Variants in COP1 observed in about 807,000 individuals in gnomAD.
The protein encoded by COP1 is E3 ubiquitin-protein ligase COP1.
In COP1, 24 loss-of-function variants were observed where a neutral mutation model predicts 101.3. The ratio of observed to expected loss-of-function variants is 0.24; its 90% CI spans 0.17 to 0.33. COP1 has a LOEUF of 0.33. Ranked by LOEUF, COP1 falls within the 10% of genes least tolerant of loss-of-function variation. COP1 has a pLI of 1.00. For missense variants in COP1, 663 were observed against 906.2 expected (o/e 0.73, Z 3.45); for synonymous variants, 347 against 341.9 (o/e 1.01, Z -0.17).
At chr1:176,149,853 GAGAC>G (rs1171855700) in intron 5 of COP1, among the ~76,000 whole-genome samples, 1 of 151,832 alleles carries the variant, frequency 6.6e-6, no homozygotes, top group Non-Finnish European at 1.5e-5. Flanking sequence ...ATAACAATAA[GAGAC>G]AGTTTATGAA....
At chr1:176,122,946 A>G (rs1455290436) in intron 8 of COP1, among the ~76,000 whole-genome samples, 1 of 152,196 alleles carries the variant, frequency 6.6e-6, no homozygotes, top group African/African-American at 2.4e-5. Context: ...AAATAGACAA[A>G]AATAAGCTCA....
intron 11 of COP1, among the ~76,000 whole-genome samples, chr1:176,078,722 G>A (rs1439961268): frequency 6.6e-6 from 1 of 151,878 alleles, no homozygotes; most frequent in East Asian, 1.9e-4. Flanking sequence ...TAGGGAATGG[G>A]TGAAAGTATT....
intron 15 of COP1, among the ~76,000 whole-genome samples, chr1:175,992,328 C>T (rs1461733690): frequency 3.9e-5 from 6 of 152,174 alleles, no homozygotes; most frequent in African/African-American, 7.2e-5. Flanking sequence ...ACGCAGAAGA[C>T]GGGTGATTTT....
intron 6 of COP1, among the ~76,000 whole-genome samples, chr1:176,141,906 T>A (rs1690751767): frequency 1.3e-5 from 2 of 151,940 alleles, no homozygotes; most frequent in Non-Finnish European, 2.9e-5. Flanking sequence ...AATTTTTTTT[T>A]AATTGTTTGT....
At chr1:176,194,831 T>C (rs1699484434) in intron 1 of COP1, among the ~76,000 whole-genome samples, 1 of 151,786 alleles carries the variant, frequency 6.6e-6, no homozygotes, top group Non-Finnish European at 1.5e-5. Context: ...ATTCCAGCAC[T>C]ATGGGAGCCC....
intron 9 of COP1, among the ~76,000 whole-genome samples, chr1:176,110,798 T>G (rs1188260052): frequency 6.6e-6 from 1 of 152,224 alleles, no homozygotes; most frequent in African/African-American, 2.4e-5. Flanking sequence ...ACTAGCTATA[T>G]TATCTGAGTC....
intron 14 of COP1, among the ~76,000 whole-genome samples, chr1:176,030,576 C>T (rs1225886610): frequency 1.3e-5 from 2 of 152,072 alleles, no homozygotes; most frequent in East Asian, 1.9e-4. Context: ...ATGCAGTAAT[C>T]ATTAATATTA....
chr1:176,042,704 C>T (rs1290361420), intron 14 of COP1, among the ~76,000 whole-genome samples: 1 of 145,546 alleles, frequency 6.9e-6, no homozygotes, highest in African/African-American at 2.6e-5. Flanking sequence ...GCACTCCAGC[C>T]TGGGCGACAC....
intron 1 of COP1, among the ~76,000 whole-genome samples, chr1:176,198,760 G>T (rs776291727): frequency 6.6e-6 from 1 of 151,966 alleles, no homozygotes; most frequent in Non-Finnish European, 1.5e-5. Flanking sequence ...CACTTACAAC[G>T]CAAGATGACA....
chr1:176,187,892 C>T (rs1468967379), intron 1 of COP1, among the ~76,000 whole-genome samples: 4 of 152,032 alleles, frequency 2.6e-5, no homozygotes, highest in Non-Finnish European at 5.9e-5. Flanking sequence ...GAAATCTTAA[C>T]CCCCAAGGTG....
At chr1:176,067,977 G>A (rs528280041) in intron 11 of COP1, among the ~76,000 whole-genome samples, 5 of 152,226 alleles carry the variant, frequency 3.3e-5, no homozygotes, top group African/African-American at 9.6e-5. Flanking sequence ...CACCCCCATC[G>A]CACACCCTGC....
intron 8 of COP1, among the ~76,000 whole-genome samples, chr1:176,128,053 C>A (rs1688314696): frequency 6.6e-6 from 1 of 151,884 alleles, no homozygotes; most frequent in African/African-American, 2.4e-5. Flanking sequence ...CTGTTCAAGT[C>A]CTTTACTCAT....
At chr1:176,184,916 T>C (rs1290185207) in intron 1 of COP1, among the ~76,000 whole-genome samples, 1 of 152,152 alleles carries the variant, frequency 6.6e-6, no homozygotes, top group Non-Finnish European at 1.5e-5. Flanking sequence ...TCACTGAGCT[T>C]CAAAATGAAG....
At chr1:176,108,895 C>T (rs1024136728) in intron 9 of COP1, among the ~76,000 whole-genome samples, 13 of 152,108 alleles carry the variant, frequency 8.5e-5, no homozygotes, top group East Asian at 5.8e-4. Flanking sequence ...AGGCAGATCA[C>T]GAGGTCAAGA....
At chr1:176,055,004 G>A (rs1423953233) in intron 11 of COP1, among the ~76,000 whole-genome samples, 1 of 152,174 alleles carries the variant, frequency 6.6e-6, no homozygotes, top group Non-Finnish European at 1.5e-5. Context: ...TCCGAATTCT[G>A]ACCTTCCTTA....
At chr1:176,152,091 G>T (rs1272850226) in intron 5 of COP1, among the ~76,000 whole-genome samples, 1 of 151,950 alleles carries the variant, frequency 6.6e-6, no homozygotes, top group East Asian at 1.9e-4. Context: ...TGGAGTTCAA[G>T]ACCAGCCTGG....
intron 1 of COP1, among the ~76,000 whole-genome samples, chr1:176,186,193 A>G (rs1376530806): frequency 6.6e-6 from 1 of 152,086 alleles, no homozygotes; most frequent in Non-Finnish European, 1.5e-5. Context: ...AAAACAATAC[A>G]TACCTAATCG....
At chr1:175,989,341 T>C in intron 16 of COP1, 21 bp downstream of exon 16, 2 of 1,267,806 alleles carry the variant, frequency 1.6e-6, no homozygotes, top group South Asian at 2.4e-5. Context: ...AAGCTCAACC[T>C]CTGAGGAGAG....
intron 1 of COP1, among the ~76,000 whole-genome samples, chr1:176,198,744 A>G (rs968067108): frequency 2.6e-5 from 4 of 152,210 alleles, no homozygotes; most frequent in African/African-American, 9.6e-5. Context: ...CAGAATACAT[A>G]AAGAACACTT....
Sources: allele counts gnomAD v4.1 joint callset (sites outside exome capture counted in the v4.1 genomes callset), GRCh38; gene constraint gnomAD v4.1.1; transcripts MANE v1.5; gene names NCBI Gene and HGNC (gene_info 2026-07-23, HGNC 2026-07-21).